The following ENPP1 variants were observed in gnomAD, a reference collection of about 807,000 sequenced individuals.
The protein encoded by ENPP1 is ectonucleotide pyrophosphatase/phosphodiesterase family member 1.
In ENPP1, 73 loss-of-function variants were observed where a neutral mutation model predicts 122.8. That is an observed-to-expected ratio of 0.59 (90% CI 0.49 to 0.72). ENPP1 has a LOEUF of 0.72. ENPP1 is among the 30% of genes least tolerant of loss of function. The pLI is 0.00. For synonymous variants in ENPP1, 367 were observed against 391.6 expected, an observed-to-expected ratio of 0.94 and a Z score of 0.74; for missense variants, 978 against 1,128.1, an observed-to-expected ratio of 0.87 and a Z score of 1.91.
rs763207233 is a variant in ENPP1 at position 131,878,533 on chromosome 6, C to CT, written c.1894-3dup. The CT allele has an allele frequency of 5.0e-6, 8 of 1,598,288 alleles. No homozygotes were observed. The African/African-American group carries it at 9.4e-5, about 19-fold the overall frequency. On this transcript the variant is annotated splice_polypyrimidine_tract_variant and intron_variant, in intron 18 of 24. Transcript: ENST00000647893. Reference sequence around the variant, plus strand: ...CAGTCCTTAAAAATAGTTTTATAACCTTTTTTAGATTTTGCCGATTGAGGA... The same window carrying CT: ...CAGTCCTTAAAAATAGTTTTATAACCTTTTTTTAGATTTTGCCGATTGAGGA...
rs145868241 is a variant in ENPP1 at position 131,852,232 on chromosome 6, C to A, written c.614C>A (p.Ala205Glu). ...CESINEPQCP[A>E]GFETPPTLLF... Reference sequence around the variant, plus strand: ...AGCATTAATGAGCCACAGTGCCCAGCAGGGTAAGATTATATTCTGAGGTAT... The same window carrying A: ...AGCATTAATGAGCCACAGTGCCCAGAAGGGTAAGATTATATTCTGAGGTAT... Residue 205 changes from alanine to glutamate, a missense_variant, in exon 5 of 25, where the codon GCA becomes GAA. Ala to Glu is a moderately radical substitution (Grantham distance 107). Coordinates refer to ENST00000647893, the MANE Select transcript of ENPP1 (RefSeq NM_006208.3). The A allele has an allele frequency of 1.4e-4, 222 of 1,596,754 alleles. No individual in the cohort carries two copies. The highest frequency in any genetic ancestry group is 1.7e-4 in the Middle Eastern group (1 of 6,032).
intron 2 of ENPP1, among the ~76,000 whole-genome samples, chr6:131,848,843 G>T (rs2114690225): frequency 6.6e-6 from 1 of 152,224 alleles, no homozygotes; most frequent in East Asian, 1.9e-4. Context: ...CCCACTCCAG[G>T]TCAGGAAAGT....
intron 23 of ENPP1, 87 bp from the exon 24 acceptor site, chr6:131,886,475 A>G (rs1316024830): frequency 2.1e-6 from 2 of 942,984 alleles, no homozygotes; most frequent in Non-Finnish European, 3.3e-6. Flanking sequence ...TGATTTTTAT[A>G]TGTATTAAAA....
chr6:131,869,951 A>G (rs1782140597), intron 13 of ENPP1, among the ~76,000 whole-genome samples: 1 of 152,082 alleles, frequency 6.6e-6, no homozygotes, highest in South Asian at 2.1e-4. Context: ...TTAAATCTCC[A>G]ATGCAGAGCT....
chr6:131,850,522 A>G (rs185731585), intron 3 of ENPP1, among the ~76,000 whole-genome samples: 151 of 152,360 alleles, frequency 9.9e-4, no homozygotes, highest in Non-Finnish European at 1.4e-3. Context: ...AATTCTCTGC[A>G]TATGACATGG....
chr6:131,845,043 GTTTT>G (rs142380855), intron 1 of ENPP1, among the ~76,000 whole-genome samples: 1,244 of 84,732 alleles, frequency 0.015, 4 homozygotes, highest in African/African-American at 0.061. Context: ...ATTCTTCATG[GTTTT>G]TTTTTTTTTT....
chr6:131,872,442 G>A (rs1782174240), intron 14 of ENPP1, among the ~76,000 whole-genome samples: 1 of 152,082 alleles, frequency 6.6e-6, no homozygotes, highest in South Asian at 2.1e-4. Flanking sequence ...TTTCCTTCCA[G>A]TCTTTTTTTA....
intron 1 of ENPP1, chr6:131,826,750 T>C (rs1585796983): frequency 6.2e-6 from 3 of 486,224 alleles, no homozygotes; most frequent in East Asian, 9.2e-5. Flanking sequence ...TGGGAGAGGC[T>C]ACTCTGCAAG....
At chr6:131,831,137 A>C (rs948356415) in intron 1 of ENPP1, among the ~76,000 whole-genome samples, 1 of 146,976 alleles carries the variant, frequency 6.8e-6, no homozygotes, top group Non-Finnish European at 1.5e-5. Flanking sequence ...AAAAAAAAAA[A>C]GAAAAGAAAA....
At chr6:131,853,234 C>T (rs1781903072) in intron 5 of ENPP1, among the ~76,000 whole-genome samples, 1 of 152,124 alleles carries the variant, frequency 6.6e-6, no homozygotes, top group South Asian at 2.1e-4. Flanking sequence ...AAAACTAAAC[C>T]TCAACCAAAT....
chr6:131,822,864 TATG>T (rs1241563550), intron 1 of ENPP1, among the ~76,000 whole-genome samples: 9 of 152,334 alleles, frequency 5.9e-5, no homozygotes, highest in Admixed American at 2.6e-4. Flanking sequence ...CTCTATTGCT[TATG>T]TCTCTTTTTC....
At chr6:131,826,795 C>T (rs556136663) in intron 1 of ENPP1, 19 of 425,550 alleles carry the variant, frequency 4.5e-5, no homozygotes, top group South Asian at 3.3e-4. Context: ...TCCTGAAAGC[C>T]GTCTAACTGC....
At chr6:131,885,206 C>A in intron 23 of ENPP1, 143 bp downstream of exon 23, 1 of 722,916 alleles carries the variant, frequency 1.4e-6, no homozygotes, top group Non-Finnish European at 2.3e-6. Context: ...CAGGAAGCCT[C>A]TTGAAATATC....
rs1805138 is a variant in ENPP1, at chr6:131,884,954, A to C, written c.2335A>C (p.Thr779Pro). 1.1e-3 allele frequency: 1,699 copies of C among 1,614,050 alleles called. 29 individuals carry two copies. The East Asian group carries it at 0.03, about 29-fold the overall frequency. Residue 779 changes from threonine (T) to proline (P), a missense_variant, in exon 23 of 25, where the codon ACC (threonine) becomes CCC (proline). Around this residue, in one of 3 missense-constraint regions of ENPP1, gnomAD observed 644 missense variants for 781.5 expected, o/e 0.82. Transcript: ENST00000647893. ...FQVIWRYFHDTLLRKYAEERN... is the reference protein window; with the variant it reads ...FQVIWRYFHDPLLRKYAEERN... ...AGTTATATGGCGCTACTTTCATGACACCCTACTGCGAAAGTATGCTGAAGA... is the reference window on the plus strand; with the variant it reads ...AGTTATATGGCGCTACTTTCATGACCCCCTACTGCGAAAGTATGCTGAAGA...
At position 131,882,487 on chromosome 6, in the gene ENPP1, C is replaced by T. The variant is rs537428242; in HGVS notation, c.2230+13C>T. ...CTCTCCCCACCACGTAAGTTTTTTC[C>T]TCTCCTGACCTTCCCTTTTCTCCTT... is the stretch of plus-strand genomic sequence containing the variant. On this transcript the variant is annotated intron_variant, in intron 21 of 24. Transcript: ENST00000647893. 5.0e-5 allele frequency: 80 copies of T among 1,592,036 alleles called. No homozygotes were observed. The highest frequency in any genetic ancestry group is 1.2e-4 in the African/African-American group (9 of 74,174).
At position 131,850,103 on chromosome 6, in the gene ENPP1, C is replaced by T. The variant is rs1415502542; in HGVS notation, c.427C>T (p.Pro143Ser). ...CLDYQETCIE[P>S]EHIWTCNKFR... ...AGATTACCAGGAGACGTGCATAGAA[C>T]CAGGTAAGGATGAGCAGGGAAAAAA... The change falls in exon 3 of 25, where the codon CCA becomes TCA. Residue 143 changes from proline (P) to serine (S), a missense_variant. Around this residue, in one of 3 missense-constraint regions of ENPP1, gnomAD observed 330 missense variants for 328.5 expected, o/e 1.00. Coordinates refer to ENST00000647893, the MANE Select transcript of ENPP1 (RefSeq NM_006208.3). 6.3e-7 allele frequency: 1 copy of T among 1,597,358 alleles called. No individual in the cohort carries two copies. Among genetic ancestry groups the T allele is most frequent in the Admixed American group, 1.7e-5 (1 of 59,986 alleles).
At chr6:131,873,861 G>A (rs879329080) in intron 15 of ENPP1, among the ~76,000 whole-genome samples, 1 of 151,898 alleles carries the variant, frequency 6.6e-6, no homozygotes, top group Non-Finnish European at 1.5e-5. Context: ...ATCTTCATGA[G>A]AGAACTAATA....
intron 8 of ENPP1, among the ~76,000 whole-genome samples, chr6:131,860,863 G>A (rs1782014374): frequency 6.6e-6 from 1 of 152,106 alleles, no homozygotes; most frequent in African/African-American, 2.4e-5. Context: ...TAATTTAGGA[G>A]CTTCTTTCCA....
Position 131,851,189 on chromosome 6 carries a change from A to G in ENPP1, c.478A>G (p.Thr160Ala), listed in dbSNP as rs767150140. ...NKFRCGEKRL[T>A]RSLCACSDDC... ...ATTCAGGTGTGGTGAGAAAAGGTTG[A>G]CCAGAAGCCTCTGTGCCTGTTCAGA... is the stretch of plus-strand genomic sequence containing the variant. Residue 160 changes from threonine (T) to alanine (A), a missense_variant, in exon 4 of 25, where the codon ACC becomes GCC. Thr to Ala is a moderately conservative substitution (Grantham distance 58). This residue lies in a region of ENPP1 where 330 missense variants were observed against 328.5 expected (regional missense o/e 1.00). Transcript: ENST00000647893. 1 of 1,614,114 alleles carries G rather than the reference A, an allele frequency of 6.2e-7. No individual in the cohort carries two copies. Among genetic ancestry groups the G allele is most frequent in the South Asian group, 1.1e-5 (1 of 91,088 alleles).
Sources: gnomAD v4.1 joint callset for allele counts (sites outside exome capture counted in the v4.1 genomes callset) on GRCh38, gnomAD v4.1.1 for gene constraint, gnomAD v4.1.1 regional missense constraint, MANE v1.5 for transcripts, NCBI Gene and HGNC (gene_info 2026-07-23, HGNC 2026-07-21) for gene names.